Variants in SLC9A3 observed in about 807,000 individuals in gnomAD.
The protein encoded by SLC9A3 is sodium/hydrogen exchanger 3.
In SLC9A3, 37 loss-of-function variants were observed where a neutral mutation model predicts 86.8. The ratio of observed to expected loss-of-function variants is 0.43; its 90% confidence interval spans 0.33 to 0.56. SLC9A3 has a LOEUF of 0.56. SLC9A3 is among the 20% of genes least tolerant of loss of function. The pLI is 0.06. For missense variants in SLC9A3, 1,011 were observed against 1,171.9 expected (o/e 0.86, Z 2.00); for synonymous variants, 581 against 528.3 (o/e 1.10, Z -1.37).
chr5:517,142 T>A (rs1041675930), intron 1 of SLC9A3, among the ~76,000 whole-genome samples: 2 of 151,372 alleles, frequency 1.3e-5, no homozygotes, highest in African/African-American at 4.9e-5. Flanking sequence ...CTTCCGCCCA[T>A]CCCTCCATTT....
Position 472,005 on chromosome 5 carries a change from G to T in SLC9A3, c.*1374C>A. 2.2e-6 allele frequency: 1 copy of T among 456,660 alleles called. No homozygotes were observed. The highest frequency in any genetic ancestry group is 4.4e-6 in the Non-Finnish European group (1 of 226,958). 28.3% of individuals were successfully genotyped at this position (456,660 alleles called of 1,614,324 possible). ...GTTTAATTTTCCTGAGCAAGGAGCT[G>T]CGAGTCTAGCTTTAGAAAAGCCCCT... On this transcript the variant is annotated 3_prime_UTR_variant, in exon 17 of 17. Transcript: ENST00000264938.
chr5:477,321 T>C lies in SLC9A3; in HGVS notation c.1760+11A>G, dbSNP rs373530031. 108 of 1,570,104 alleles carry C rather than the reference T, an allele frequency of 6.9e-5. No homozygotes were observed. Among genetic ancestry groups the C allele is most frequent in the Middle Eastern group, 1.7e-4 (1 of 5,950 alleles). On this transcript the variant is annotated intron_variant, in intron 11 of 16. Coordinates refer to ENST00000264938, the MANE Select transcript of SLC9A3 (RefSeq NM_004174.4). Reference sequence around the variant, plus strand: ...CTTCCCCAGGGAAGCTGCATGACCATGGCCACATACAGGAGGTAGGAGACA... The same window carrying C: ...CTTCCCCAGGGAAGCTGCATGACCACGGCCACATACAGGAGGTAGGAGACA...
At position 476,275 on chromosome 5, in the gene SLC9A3, T is replaced by A; in HGVS notation, c.1994A>T (p.Lys665Met). The A allele has an allele frequency of 6.2e-7, 1 of 1,614,010 alleles. No homozygotes were observed. The highest frequency in any genetic ancestry group is 1.1e-5 in the South Asian group (1 of 91,082). Residue 665 changes from lysine (K) to methionine (M), a missense_variant, in exon 13 of 17, where the codon AAG (lysine) becomes ATG (methionine). By Grantham distance (95) the Lys-to-Met change is moderately conservative. This residue lies in a region of SLC9A3 where 397 missense variants were observed against 346.3 expected (regional missense o/e 1.15). Coordinates refer to ENST00000264938, the MANE Select transcript of SLC9A3 (RefSeq NM_004174.4). ...RTMRKRLESF[K>M]STKLGLNQNK... is the part of the protein sequence containing the mutation. ...CTGGTTGAGCCCCAGCTTGGTCGACTTGAAGGACTCCAGGCGCTTCCGCAT... is the reference window on the plus strand; with the variant it reads ...CTGGTTGAGCCCCAGCTTGGTCGACATGAAGGACTCCAGGCGCTTCCGCAT...
intron 5 of SLC9A3, among the ~76,000 whole-genome samples, chr5:483,856 T>C (rs1472837475): frequency 6.6e-6 from 1 of 152,260 alleles, no homozygotes; most frequent in Non-Finnish European, 1.5e-5. Context: ...TGCCCCACAC[T>C]GAATTCCCAC....
intron 9 of SLC9A3, chr5:480,830 TTTA>T (rs1470767405): frequency 5.9e-5 from 9 of 152,228 alleles, no homozygotes; most frequent in Admixed American, 3.9e-4. Flanking sequence ...CCTTACTGGG[TTTA>T]TTATAAGTGT....
At chr5:511,460 C>T (rs1228034287) in intron 1 of SLC9A3, among the ~76,000 whole-genome samples, 1 of 152,230 alleles carries the variant, frequency 6.6e-6, no homozygotes, top group Non-Finnish European at 1.5e-5. Flanking sequence ...GAAAAATAAA[C>T]AACCCAGTGA....
intron 6 of SLC9A3, 86 bp from the exon 7 acceptor site, chr5:482,836 C>T (rs1739278241): frequency 1.8e-6 from 2 of 1,085,722 alleles, no homozygotes; most frequent in South Asian, 1.5e-5. Context: ...GTCTTGGCGG[C>T]CAAGCATGTG....
At chr5:518,657 G>A (rs993818425) in intron 1 of SLC9A3, among the ~76,000 whole-genome samples, 28 of 152,322 alleles carry the variant, frequency 1.8e-4, no homozygotes, top group African/African-American at 6.5e-4. Context: ...GCAGCCCCTG[G>A]CTCCTGGAGA....
Position 470,740 on chromosome 5 carries a change from A to C in SLC9A3, c.*2639T>G, listed in dbSNP as rs531582858. Reference sequence around the variant, plus strand: ...TGAAATTCTTTGCTTTCACAATAGAAGATCAATGGTACACAGTATATTGAA... The same window carrying C: ...TGAAATTCTTTGCTTTCACAATAGACGATCAATGGTACACAGTATATTGAA... On this transcript the variant is annotated 3_prime_UTR_variant, in exon 17 of 17. Coordinates refer to ENST00000264938, the MANE Select transcript of SLC9A3 (RefSeq NM_004174.4). 1.3e-5 allele frequency: 2 copies of C among 152,318 alleles called. No homozygotes were observed. Among genetic ancestry groups the C allele is most frequent in the Non-Finnish European group, 2.9e-5 (2 of 68,004 alleles). The allele number at this position is 152,318 out of a possible 1,614,324, so 9.4% of individuals were successfully genotyped here.
intron 1 of SLC9A3, among the ~76,000 whole-genome samples, chr5:498,148 G>A (rs1411940259): frequency 1.3e-5 from 2 of 152,130 alleles, no homozygotes; most frequent in Non-Finnish European, 2.9e-5. Flanking sequence ...CGCCACTTCC[G>A]CCCCTGCTAC....
At chr5:481,469 A>T in intron 9 of SLC9A3, 96 bp downstream of exon 9, 2 of 1,063,830 alleles carry the variant, frequency 1.9e-6, no homozygotes, top group Non-Finnish European at 2.9e-6. Flanking sequence ...CTGGACTCAA[A>T]CAGTTGTTAT....
At chr5:505,794 G>GGAGTGACCATGTGGGGGGA (rs796240527) in intron 1 of SLC9A3, among the ~76,000 whole-genome samples, 9 of 123,374 alleles carry the variant, frequency 7.3e-5, no homozygotes, top group African/African-American at 2.7e-4. Flanking sequence ...GGGTGGGTGG[G>GGAGTGACCATGTGGGGGGA]GAGTGACCAT....
At chr5:509,590 G>C (rs537423207) in intron 1 of SLC9A3, among the ~76,000 whole-genome samples, 1 of 152,274 alleles carries the variant, frequency 6.6e-6, no homozygotes, top group East Asian at 1.9e-4. Flanking sequence ...TGGAACTCAG[G>C]CGTGGGCAGA....
At chr5:476,139 C>CAGCCCT in intron 13 of SLC9A3, 47 bp from the exon 14 acceptor site, 2 of 1,612,160 alleles carry the variant, frequency 1.2e-6, no homozygotes, top group Non-Finnish European at 1.7e-6. Flanking sequence ...CAGCCACACC[C>CAGCCCT]AGCCCTGACT....
rs1219246255 is a variant in SLC9A3, at chr5:475,795, C to T, written c.2141-124G>A. On this transcript the variant is annotated intron_variant, in intron 14 of 16. Coordinates refer to ENST00000264938, the MANE Select transcript of SLC9A3 (RefSeq NM_004174.4). ...CAGTCGGGACCCACAGAGAGGAGGG[C>T]TAAACCGCAGGGCTGGAGGAGGGAC... The T allele has an allele frequency of 5.7e-6, 4 of 705,932 alleles. No homozygotes were observed. In the African/African-American group the frequency reaches 7.1e-5, roughly 13 times the overall value. The allele number at this position is 705,932 out of a possible 1,614,324, so 43.7% of individuals were successfully genotyped here.
chr5:491,691 C>G lies in SLC9A3; in HGVS notation c.514+78G>C. The G allele has an allele frequency of 7.4e-7, 1 of 1,343,906 alleles. No individual in the cohort carries two copies. The highest frequency in any genetic ancestry group is 1.0e-6 in the Non-Finnish European group (1 of 999,362). 83.2% of individuals were successfully genotyped at this position (1,343,906 alleles called of 1,614,324 possible). On this transcript the variant is annotated intron_variant, in intron 2 of 16. Transcript: ENST00000264938. The surrounding 1 kb of genome is among the most constrained non-coding windows in gnomAD (Gnocchi z 9.2). ...TGGAGGCCAGGGTGCGGCACCCCGA[C>G]CTTTCTGAGATGAGGCAGCGCCGCC...
intron 1 of SLC9A3, among the ~76,000 whole-genome samples, chr5:503,226 G>GT (rs1470356759): frequency 6.6e-6 from 1 of 152,180 alleles, no homozygotes; most frequent in Admixed American, 6.5e-5. Context: ...AGAAAAAATG[G>GT]TTTTTAAAGT....
At chr5:489,877 G>C (rs1229650295) in intron 2 of SLC9A3, among the ~76,000 whole-genome samples, 17 of 152,238 alleles carry the variant, frequency 1.1e-4, no homozygotes, top group Admixed American at 1.1e-3. Flanking sequence ...CATGCCACCA[G>C]ACCGCATGTT....
chr5:524,331 G>T lies in SLC9A3; in HGVS notation c.-9C>A. 1 of 1,217,650 alleles carries T rather than the reference G, an allele frequency of 8.2e-7. No homozygotes were observed. The highest frequency in any genetic ancestry group is 1.0e-6 in the Non-Finnish European group (1 of 964,794). 75.4% of individuals were successfully genotyped at this position (1,217,650 alleles called of 1,614,324 possible). A position where few individuals can be genotyped will look rare whatever the true frequency, so the allele number is the denominator to read the frequency against. On this transcript the variant is annotated 5_prime_UTR_variant, in exon 1 of 17. Transcript: ENST00000264938. ...GCCCCGAGTCCCCACATTGCCGCCTGCTCAGCGCAGGGCTGGGACGCGCAT... is the reference window on the plus strand; with the variant it reads ...GCCCCGAGTCCCCACATTGCCGCCTTCTCAGCGCAGGGCTGGGACGCGCAT...
Sources: allele counts gnomAD v4.1 joint callset (sites outside exome capture counted in the v4.1 genomes callset), GRCh38; gene constraint gnomAD v4.1.1; regional missense constraint gnomAD v4.1.1; non-coding constraint Gnocchi (gnomAD v3.1); transcripts MANE v1.5; gene names NCBI Gene and HGNC (gene_info 2026-07-23, HGNC 2026-07-21).